CD151: variants seen among roughly 807,000 people sequenced by gnomAD.
CD151 encodes CD151 antigen.
A neutral mutation model predicts 34.2 loss-of-function variants in CD151; 20 were observed. The ratio of observed to expected loss-of-function variants is 0.58; its 90% CI spans 0.41 to 0.85. The LOEUF (loss-of-function observed/expected upper bound fraction) is 0.85. Among genes scored for constraint, CD151 ranks in the 40% least tolerant of loss-of-function variants. The probability of loss-of-function intolerance (pLI) is 0.00; values close to 1 mark genes in which losing one functional copy is unlikely to be tolerated. For missense variants in CD151, 306 were observed against 324.5 expected (o/e 0.94, Z 0.44); for synonymous variants, 157 against 131.7 (o/e 1.19, Z -1.32).
chr11:836,712 C>T (rs1171236821), intron 4 of CD151, 57 bp from the exon 5 acceptor site: 6 of 1,534,798 alleles, frequency 3.9e-6, no homozygotes, highest in Non-Finnish European at 4.5e-6. Context: ...CTCTGAGGTG[C>T]ACTAGGTCTA....
chr11:836,740 C>A, intron 4 of CD151, 29 bp from the exon 5 acceptor site: 1 of 1,607,748 alleles, frequency 6.2e-7, no homozygotes, highest in Non-Finnish European at 8.5e-7. Context: ...GGCCTCAGAA[C>A]AAGGGTGCCC....
At chr11:833,435 C>T (rs964105684) in intron 1 of CD151, among the ~76,000 whole-genome samples, 1 of 152,192 alleles carries the variant, frequency 6.6e-6, no homozygotes, top group Non-Finnish European at 1.5e-5. Context: ...AGTGGGCGCG[C>T]CATTGGCCGC....
At chr11:837,427 C>G (rs1294573342) in intron 6 of CD151, 33 bp from the exon 7 acceptor site, 1 of 1,611,742 alleles carries the variant, frequency 6.2e-7, no homozygotes, top group African/African-American at 1.3e-5. Flanking sequence ...CCTCTGGCCC[C>G]AGGTCTCAAC....
chr11:837,659 TG>T (rs79144712), intron 7 of CD151, 41 bp downstream of exon 7: 23 of 1,527,238 alleles, frequency 1.5e-5, no homozygotes, highest in Admixed American at 7.8e-5. Context: ...GTCTACGAGG[TG>T]GTGGGGGGGC....
intron 7 of CD151, 34 bp from the exon 8 acceptor site, chr11:837,908 G>A (rs1386426314): frequency 6.5e-7 from 1 of 1,545,404 alleles, no homozygotes; most frequent in Non-Finnish European, 8.9e-7. Flanking sequence ...GGTGCCCCCT[G>A]GGCCCGCCTT....
rs771096074 is a variant in CD151, at chr11:836,397, G to A, written c.231G>A (p.Leu77=). ...CTGTCGTCATGGTGACTGGGGTCTT[G>A]GGCTGCTGCGCCACCTTCAAGGAGC... ...AGTVVMVTGV[L]GCCATFKERR... Residue 77 remains leucine, a synonymous_variant, in exon 4 of 9, where the codon TTG becomes TTA. Transcript: ENST00000397420. The A allele has an allele frequency of 6.2e-7, 1 of 1,611,882 alleles. No homozygotes were observed. Among genetic ancestry groups the A allele is most frequent in the Non-Finnish European group, 8.5e-7 (1 of 1,179,830 alleles).
intron 4 of CD151, 122 bp downstream of exon 4, chr11:836,564 C>A (rs1161715445): frequency 2.3e-6 from 2 of 861,054 alleles, no homozygotes; most frequent in Non-Finnish European, 3.6e-6. Flanking sequence ...GGTCCTTCCA[C>A]ACCTGCCTAG....
chr11:836,437 C>T lies in CD151; in HGVS notation c.271C>T (p.Arg91Cys), dbSNP rs1019424026. ...ATFKERRNLL[R>C]LYFILLLIIF... Reference sequence around the variant, plus strand: ...CTTCAAGGAGCGTCGGAACCTGCTGCGCCTGGTCAGGAGGGCGCAGGGCCA... The same window carrying T: ...CTTCAAGGAGCGTCGGAACCTGCTGTGCCTGGTCAGGAGGGCGCAGGGCCA... Residue 91 changes from arginine (R) to cysteine (C), a missense_variant, in exon 4 of 9, where the codon CGC becomes TGC. Transcript: ENST00000397420. The T allele has an allele frequency of 1.1e-5, 18 of 1,606,180 alleles. No homozygotes were observed. Among genetic ancestry groups the T allele is most frequent in the Admixed American group, 3.3e-5 (2 of 59,744 alleles).
chr11:835,479 C>T (rs1846720347), intron 2 of CD151: 1 of 151,600 alleles, frequency 6.6e-6, no homozygotes, highest in Admixed American at 6.6e-5. Flanking sequence ...GCTGGGACCA[C>T]AGGCGCCCAC....
chr11:838,429 T>A lies in CD151; in HGVS notation c.*237T>A. ...TTTGTGGGGCTCCCCAGACACACTC[T>A]CTGCCTGGTGGTCAGATGCAGGTTG... On this transcript the variant is annotated 3_prime_UTR_variant, in exon 9 of 9. Transcript: ENST00000397420. 1.7e-6 allele frequency: 1 copy of A among 593,256 alleles called. No homozygotes were observed. Among genetic ancestry groups the A allele is most frequent in the Admixed American group, 3.0e-5 (1 of 33,274 alleles). The allele number at this position is 593,256 out of a possible 1,614,324, so 36.7% of individuals were successfully genotyped here. A position where few individuals can be genotyped will look rare whatever the true frequency, so the allele number is the denominator to read the frequency against.
chr11:838,448 C>G lies in CD151; in HGVS notation c.*256C>G. ...ACACTCTCTGCCTGGTGGTCAGATG[C>G]AGGTTGGAAGGGGCCTTGCTGAGTG... On this transcript the variant is annotated 3_prime_UTR_variant, in exon 9 of 9. Transcript: ENST00000397420. 2 of 587,174 alleles carry G rather than the reference C, an allele frequency of 3.4e-6. No individual in the cohort carries two copies. Among genetic ancestry groups the G allele is most frequent in the South Asian group, 4.0e-5 (2 of 49,856 alleles). 36.4% of individuals were successfully genotyped at this position (587,174 alleles called of 1,614,324 possible).
Position 837,612 on chromosome 11 carries a change from G to C in CD151, c.609G>C (p.Lys203Asn), listed in dbSNP as rs1390297108. The C allele has an allele frequency of 3.7e-6, 6 of 1,611,756 alleles. No homozygotes were observed. The highest frequency in any genetic ancestry group is 5.1e-6 in the Non-Finnish European group (6 of 1,179,628). Residue 203 changes from lysine to asparagine, a missense_variant, in exon 7 of 9, where the codon AAG becomes AAC. Transcript: ENST00000397420. ...GAGACCATGCCTCCAACATCTACAAGGTGGAGGTGGGTGTGCAGCGGGATC... is the reference window on the plus strand; with the variant it reads ...GAGACCATGCCTCCAACATCTACAACGTGGAGGTGGGTGTGCAGCGGGATC... ...GQRDHASNIY[K>N]VEGGCITKLE...
rs142774509 is a variant in CD151 at position 836,376 on chromosome 11, C to T, written c.210C>T (p.Val70=). ...TAYILVVAGT[V]VMVTGVLGCC... The stretch of plus-strand genomic sequence containing the variant: ...ACATCCTGGTGGTGGCGGGCACTGT[C>T]GTCATGGTGACTGGGGTCTTGGGCT... Residue 70 remains valine, a synonymous_variant, in exon 4 of 9, where the codon GTC becomes GTT. Coordinates refer to ENST00000397420, the MANE Select transcript of CD151 (RefSeq NM_004357.5). 5.8e-5 allele frequency: 94 copies of T among 1,612,296 alleles called. No individual in the cohort carries two copies. The highest frequency in any genetic ancestry group is 7.0e-5 in the Non-Finnish European group (83 of 1,179,890).
At chr11:836,985 G>T in intron 5 of CD151, 142 bp downstream of exon 5, 1 of 762,518 alleles carries the variant, frequency 1.3e-6, no homozygotes. Context: ...CCTGGAGATG[G>T]GGTCTAGGTC....
intron 2 of CD151, 163 bp from the exon 3 acceptor site, chr11:835,900 G>A: frequency 1.6e-6 from 1 of 614,182 alleles, no homozygotes; most frequent in East Asian, 2.8e-5. Context: ...TGTTAGCCAG[G>A]ATGGTCTTGA....
At position 832,977 on chromosome 11, in the gene CD151, CCCGCAGCTGCTGCCGCCGCCGCCA is replaced by C. The variant is rs1197878291; in HGVS notation, c.-118_-95del. On this transcript the variant is annotated 5_prime_UTR_variant, in exon 1 of 9. Coordinates refer to ENST00000397420, the MANE Select transcript of CD151 (RefSeq NM_004357.5). ...ATTCTCAGCGCTGGGAGCCGCCGCCCCCGCAGCTGCTGCCGCCGCCGCCAGGGCCCGGACTCGGACGCGTGGTAG... is the reference window on the plus strand; with the variant it reads ...ATTCTCAGCGCTGGGAGCCGCCGCCCGGGCCCGGACTCGGACGCGTGGTAG... 1 of 76,758 alleles carries C rather than the reference CCCGCAGCTGCTGCCGCCGCCGCCA, an allele frequency of 1.3e-5. No homozygotes were observed. The highest frequency in any genetic ancestry group is 1.5e-4 in the Admixed American group (1 of 6,488). 4.8% of individuals were successfully genotyped at this position (76,758 alleles called of 1,614,324 possible). A position where few individuals can be genotyped will look rare whatever the true frequency, so the allele number is the denominator to read the frequency against.
At chr11:837,742 G>A in intron 7 of CD151, 124 bp downstream of exon 7, 1 of 1,039,818 alleles carries the variant, frequency 9.6e-7, no homozygotes, top group Non-Finnish European at 1.4e-6. Flanking sequence ...TCACCCCAGT[G>A]GCCGGATGTG....
At position 836,448 on chromosome 11, in the gene CD151, GA is replaced by G; in HGVS notation, c.276+7del. ...GTCGGAACCTGCTGCGCCTGGTCAG[GA>G]GGGCGCAGGGCCACGGGGTGGGGGT... On this transcript the variant is annotated splice_region_variant and intron_variant, in intron 4 of 8. Coordinates refer to ENST00000397420, the MANE Select transcript of CD151 (RefSeq NM_004357.5). 1 of 1,598,742 alleles carries G rather than the reference GA, an allele frequency of 6.3e-7. No homozygotes were observed. The highest frequency in any genetic ancestry group is 1.1e-5 in the South Asian group (1 of 90,212).
chr11:834,918 G>A (rs1590208224), intron 2 of CD151: 1 of 152,402 alleles, frequency 6.6e-6, no homozygotes, highest in Non-Finnish European at 1.5e-5. Context: ...CCCTTTAACA[G>A]ACCGTAAACA....
Sources: allele counts gnomAD v4.1 joint callset (sites outside exome capture counted in the v4.1 genomes callset), GRCh38; gene constraint gnomAD v4.1.1; transcripts MANE v1.5; gene names NCBI Gene and HGNC (gene_info 2026-07-23, HGNC 2026-07-21).